Variants in ADGRA3 observed in about 807,000 individuals in gnomAD.
ADGRA3 encodes adhesion G protein-coupled receptor A3, also known as G-protein coupled receptor 125.
ADGRA3 carries 56 observed loss-of-function variants against 119.8 expected under a neutral mutation model. The observed-to-expected ratio is 0.47, with a 90% CI of 0.38 to 0.58. ADGRA3 has a LOEUF of 0.58. Among genes scored for constraint, ADGRA3 ranks in the 20% least tolerant of loss-of-function variants. The probability of loss-of-function intolerance (pLI) is 0.00; values close to 1 mark genes in which losing one functional copy is unlikely to be tolerated. For synonymous variants in ADGRA3, 607 were observed against 623.8 expected (o/e 0.97, Z 0.40); for missense variants, 1,516 against 1,649.0 (o/e 0.92, Z 1.40).
At chr4:22,479,698 T>C (rs1279169335) in intron 1 of ADGRA3, among the ~76,000 whole-genome samples, 2 of 152,088 alleles carry the variant, frequency 1.3e-5, no homozygotes, top group Non-Finnish European at 2.9e-5. Flanking sequence ...CATGCACACG[T>C]ATGTTTACTG....
intron 2 of ADGRA3, 117 bp from the exon 3 acceptor site, chr4:22,461,925 G>A (rs895105945): frequency 1.8e-6 from 1 of 562,260 alleles, no homozygotes; most frequent in Non-Finnish European, 3.0e-6. Flanking sequence ...GGAGGAAACT[G>A]AAGCCAAAAG....
chr4:22,504,718 C>T (rs1560350899), intron 1 of ADGRA3, among the ~76,000 whole-genome samples: 1 of 148,250 alleles, frequency 6.7e-6, no homozygotes, highest in Non-Finnish European at 1.5e-5. Context: ...CCTCAACTGG[C>T]TCCTGTACTC....
chr4:22,425,671 T>C (rs1054132487), intron 10 of ADGRA3, among the ~76,000 whole-genome samples: 13 of 152,212 alleles, frequency 8.5e-5, no homozygotes, highest in African/African-American at 3.1e-4. Context: ...GGGTCTGTCT[T>C]AAGAGATGTC....
Position 22,388,165 on chromosome 4 carries a change from C to T in ADGRA3, c.3506G>A (p.Ser1169Asn), listed in dbSNP as rs373531543. The change falls in exon 19 of 19, where the codon AGC (serine) becomes AAC (asparagine). Residue 1169 changes from serine (S) to asparagine (N), a missense_variant. Physicochemically the swap from Ser to Asn is conservative, Grantham distance 46. Around this residue, in one of 2 missense-constraint regions of ADGRA3, gnomAD observed 1,088 missense variants for 1,107.1 expected, o/e 0.98. Coordinates refer to ENST00000334304, the MANE Select transcript of ADGRA3 (RefSeq NM_145290.4). ...EVQFRTNVHS[S>N]RHHKNRSKGH... is the part of the protein sequence containing the mutation. ...TTTACTTCTGTTTTTATGGTGGCGG[C>T]TTGAGTGCACATTTGTTCGAAACTG... 1.7e-5 allele frequency: 27 copies of T among 1,613,882 alleles called. No homozygotes were observed. In the African/African-American group the frequency reaches 3.6e-4, roughly 22 times the overall value.
At chr4:22,425,402 A>C (rs1028340201) in intron 10 of ADGRA3, among the ~76,000 whole-genome samples, 1 of 152,220 alleles carries the variant, frequency 6.6e-6, no homozygotes, top group Non-Finnish European at 1.5e-5. Flanking sequence ...AATGCCACTG[A>C]AAAGTCAACC....
chr4:22,435,454 G>A lies in ADGRA3; in HGVS notation c.1300C>T (p.Leu434Phe), dbSNP rs185049428. 1.9e-5 allele frequency: 31 copies of A among 1,592,878 alleles called. No homozygotes were observed. The highest frequency in any genetic ancestry group is 2.5e-5 in the Non-Finnish European group (29 of 1,163,978). ...LYMFNQMPLN[L>F]TNAVATARQL... ...CGAGCTGTTGCCACGGCATTGGTAA[G>A]ATTGAGGGGCATCTACATTTCAAAG... The change falls in exon 10 of 19, where the codon CTT becomes TTT. Residue 434 changes from leucine to phenylalanine, a missense_variant. Leu to Phe is a conservative substitution (Grantham distance 22, BLOSUM62 0). Around this residue, in one of 2 missense-constraint regions of ADGRA3, gnomAD observed 1,088 missense variants for 1,107.1 expected, o/e 0.98. Transcript: ENST00000334304.
At chr4:22,445,283 C>T in intron 5 of ADGRA3, 150 bp from the exon 6 acceptor site, 1 of 691,440 alleles carries the variant, frequency 1.4e-6, no homozygotes, top group Non-Finnish European at 2.5e-6. Flanking sequence ...TACAGTTTCT[C>T]TCCAAGGAGC....
chr4:22,417,854 C>T (rs1335870192), intron 12 of ADGRA3, among the ~76,000 whole-genome samples: 1 of 152,104 alleles, frequency 6.6e-6, no homozygotes, highest in East Asian at 1.9e-4. Flanking sequence ...AGGCAGGAAG[C>T]AAGAAGATGC....
chr4:22,493,608 T>TAA (rs1718705589), intron 1 of ADGRA3, among the ~76,000 whole-genome samples: 1 of 152,188 alleles, frequency 6.6e-6, no homozygotes, highest in African/African-American at 2.4e-5. Context: ...ACCAGTCTGG[T>TAA]AAAGCACTAG....
intron 7 of ADGRA3, among the ~76,000 whole-genome samples, chr4:22,439,143 GATT>G (rs983070388): frequency 8.5e-5 from 13 of 152,064 alleles, no homozygotes; most frequent in Non-Finnish European, 1.6e-4. Context: ...GAAAAAAGAA[GATT>G]ATTACGAATT....
intron 1 of ADGRA3, among the ~76,000 whole-genome samples, chr4:22,494,590 T>C (rs61532888): frequency 0.075 from 11,464 of 152,014 alleles, 541 homozygotes; most frequent in East Asian, 0.11. Context: ...ACATATGCTA[T>C]ATCCTACAAT....
At chr4:22,508,267 A>G (rs570693263) in intron 1 of ADGRA3, among the ~76,000 whole-genome samples, 120 of 152,340 alleles carry the variant, frequency 7.9e-4, no homozygotes, top group African/African-American at 2.6e-3. Flanking sequence ...GTTGGGTATT[A>G]AAGAATATCC....
chr4:22,468,968 G>C (rs1489908169), intron 2 of ADGRA3, among the ~76,000 whole-genome samples: 2 of 151,292 alleles, frequency 1.3e-5, no homozygotes, highest in Non-Finnish European at 2.9e-5. Flanking sequence ...TTAGCAAGTA[G>C]GCCAACAGGG....
chr4:22,445,662 C>T (rs1478391299), intron 5 of ADGRA3, among the ~76,000 whole-genome samples: 1 of 152,104 alleles, frequency 6.6e-6, no homozygotes, highest in African/African-American at 2.4e-5. Context: ...TGTGAACTTC[C>T]CTAGGGTAGG....
chr4:22,502,893 GAAAA>G (rs71182944), intron 1 of ADGRA3, among the ~76,000 whole-genome samples: 23 of 120,070 alleles, frequency 1.9e-4, no homozygotes, highest in African/African-American at 3.2e-4. Flanking sequence ...CTACTTAAGG[GAAAA>G]AAAAAAAAAA....
intron 4 of ADGRA3, among the ~76,000 whole-genome samples, chr4:22,450,190 C>A (rs1221478039): frequency 1.3e-5 from 2 of 151,506 alleles, no homozygotes; most frequent in East Asian, 3.9e-4. Context: ...AGAACAAAGT[C>A]ACTGCTCCTG....
intron 3 of ADGRA3, among the ~76,000 whole-genome samples, chr4:22,455,309 ACTGAGCCCAAACTCAG>A (rs1225450686): frequency 1.3e-5 from 2 of 152,352 alleles, no homozygotes; most frequent in African/African-American, 4.8e-5. Context: ...CAGTTGGAGA[ACTGAGCCCAAACTCAG>A]CCAGTAAATG....
At chr4:22,503,998 C>A (rs1206741551) in intron 1 of ADGRA3, among the ~76,000 whole-genome samples, 1 of 152,098 alleles carries the variant, frequency 6.6e-6, no homozygotes, top group African/African-American at 2.4e-5. Context: ...AAGATTTTCT[C>A]ATGCTTATCA....
intron 1 of ADGRA3, among the ~76,000 whole-genome samples, chr4:22,484,949 T>C (rs1305410360): frequency 1.3e-5 from 2 of 152,182 alleles, no homozygotes; most frequent in African/African-American, 2.4e-5. Flanking sequence ...TTAATTCTGC[T>C]TCAAAATTCT....
Sources: allele counts gnomAD v4.1 joint callset (sites outside exome capture counted in the v4.1 genomes callset), GRCh38; gene constraint gnomAD v4.1.1; regional missense constraint gnomAD v4.1.1; transcripts MANE v1.5; gene names NCBI Gene and HGNC (gene_info 2026-07-23, HGNC 2026-07-21).